PTPRT: variants seen among roughly 807,000 people sequenced by gnomAD.
PTPRT encodes the protein protein tyrosine phosphatase receptor type T, also known as receptor-type tyrosine-protein phosphatase T.
PTPRT carries 56 observed loss-of-function variants against 176.8 expected under a neutral mutation model. The ratio of observed to expected loss-of-function variants is 0.32; its 90% CI spans 0.26 to 0.40. PTPRT has a LOEUF of 0.40. PTPRT is among the 10% of genes least tolerant of loss of function. The pLI, the probability that PTPRT is intolerant of heterozygous loss-of-function variation, is 1.00. For missense variants in PTPRT, 1,540 were observed against 1,908.2 expected, an observed-to-expected ratio of 0.81 and a Z score of 3.60; for synonymous variants, 783 against 739.0, an observed-to-expected ratio of 1.06 and a Z score of -0.96.
At chr20:43,116,955 G>A (rs1037674513) in intron 1 of PTPRT, among the ~76,000 whole-genome samples, 4 of 152,146 alleles carry the variant, frequency 2.6e-5, no homozygotes, top group African/African-American at 9.7e-5. Flanking sequence ...TATGTTGTCT[G>A]GGGTCAAGCT....
chr20:42,821,515 T>G (rs1252113685), intron 2 of PTPRT, among the ~76,000 whole-genome samples: 1 of 151,996 alleles, frequency 6.6e-6, no homozygotes, highest in African/African-American at 2.4e-5. Context: ...CAAGGATGCC[T>G]CCTCTCACCA....
intron 1 of PTPRT, among the ~76,000 whole-genome samples, chr20:43,020,035 A>G (rs1985586337): frequency 6.6e-6 from 1 of 151,094 alleles, no homozygotes; most frequent in South Asian, 2.1e-4. Context: ...GAGTGAGTGA[A>G]TTCCCCTAAC....
chr20:42,123,249 C>G (rs1175893502), intron 19 of PTPRT, among the ~76,000 whole-genome samples: 2 of 152,200 alleles, frequency 1.3e-5, no homozygotes, highest in Non-Finnish European at 2.9e-5. Flanking sequence ...ACATTTTGAG[C>G]AAGAGATTCA....
intron 1 of PTPRT, among the ~76,000 whole-genome samples, chr20:43,026,695 T>C (rs1985927081): frequency 6.6e-6 from 1 of 152,184 alleles, no homozygotes; most frequent in Non-Finnish European, 1.5e-5. Flanking sequence ...ATTCATTCTA[T>C]TTTTTGTGCC....
chr20:42,040,831 A>G, the PTPRT span, among the ~76,000 whole-genome samples: 1 of 152,180 alleles, frequency 6.6e-6, no homozygotes, highest in African/African-American at 2.4e-5. Flanking sequence ...GAAACACATC[A>G]TGTGCCTTCA....
chr20:42,104,360 G>A (rs142819508), intron 25 of PTPRT, among the ~76,000 whole-genome samples: 211 of 152,222 alleles, frequency 1.4e-3, no homozygotes, highest in African/African-American at 4.9e-3. Context: ...TTTCCACCAC[G>A]TGAATATGCA....
chr20:42,430,923 C>G (rs536327202), intron 9 of PTPRT, among the ~76,000 whole-genome samples: 38 of 152,292 alleles, frequency 2.5e-4, no homozygotes, highest in Admixed American at 1.1e-3. Context: ...TTAAAACACA[C>G]ACTCACACAG....
At chr20:42,350,219 T>TG (rs2058257043) in intron 11 of PTPRT, among the ~76,000 whole-genome samples, 1 of 47,084 alleles carries the variant, frequency 2.1e-5, no homozygotes, top group African/African-American at 8.6e-5. Flanking sequence ...TTCTTGTTTT[T>TG]TTTTTTTTTT....
At chr20:42,166,096 A>G (rs896546439) in intron 16 of PTPRT, among the ~76,000 whole-genome samples, 2 of 152,268 alleles carry the variant, frequency 1.3e-5, no homozygotes, top group African/African-American at 4.8e-5. Context: ...CAGACTGGCC[A>G]TATTTCCAGG....
At chr20:42,731,158 C>G (rs1466438835) in intron 6 of PTPRT, among the ~76,000 whole-genome samples, 1 of 152,196 alleles carries the variant, frequency 6.6e-6, no homozygotes, top group Non-Finnish European at 1.5e-5. Flanking sequence ...AACACAGCCT[C>G]CCCTTGTGCA....
rs1600449870 is a variant in PTPRT at position 42,076,731 on chromosome 20, C to A, written c.*4148G>T. On this transcript the variant is annotated 3_prime_UTR_variant, in exon 31 of 31. Transcript: ENST00000373187. ...GAACAGAACAACATGAGGAACAGAG[C>A]ACATTTTTTTTTGAAATATTCATAG... 5.0e-6 allele frequency: 1 copy of A among 199,504 alleles called. No individual in the cohort carries two copies. Among genetic ancestry groups the A allele is most frequent in the East Asian group, 7.6e-5 (1 of 13,122 alleles). The allele number at this position is 199,504 out of a possible 1,614,324, so 12.4% of individuals were successfully genotyped here.
chr20:42,350,548 G>T, intron 11 of PTPRT, 80 bp downstream of exon 11: 2 of 1,172,300 alleles, frequency 1.7e-6, no homozygotes, highest in South Asian at 1.3e-5. Context: ...CATGGGCATT[G>T]CCAGTCACAT....
intron 9 of PTPRT, among the ~76,000 whole-genome samples, chr20:42,381,473 G>A (rs1393864217): frequency 2.0e-5 from 3 of 152,242 alleles, no homozygotes; most frequent in East Asian, 1.9e-4. Context: ...CATGATGGAC[G>A]TGTCATACAG....
intron 1 of PTPRT, among the ~76,000 whole-genome samples, chr20:43,009,732 T>G (rs1985028209): frequency 6.6e-6 from 1 of 152,192 alleles, no homozygotes; most frequent in African/African-American, 2.4e-5. Context: ...CAGTCCACAC[T>G]TGACTTCTTC....
At chr20:42,418,527 A>T (rs2059087035) in intron 9 of PTPRT, among the ~76,000 whole-genome samples, 1 of 152,238 alleles carries the variant, frequency 6.6e-6, no homozygotes, top group South Asian at 2.1e-4. Flanking sequence ...ATGGAAAAAA[A>T]TTTAATCTAG....
chr20:42,099,542 T>TGGGTGGGGGG (rs1325217305), intron 26 of PTPRT, among the ~76,000 whole-genome samples: 3 of 8,714 alleles, frequency 3.4e-4, no homozygotes, highest in Middle Eastern at 0.062. Context: ...GAAAATGGCC[T>TGGGTGGGGGG]GGGCGGGGGG....
At chr20:42,202,287 C>T (rs923288362) in intron 15 of PTPRT, among the ~76,000 whole-genome samples, 8 of 152,086 alleles carry the variant, frequency 5.3e-5, no homozygotes, top group South Asian at 2.1e-4. Flanking sequence ...TTTCTTTATA[C>T]GTCTCGTTTT....
intron 2 of PTPRT, among the ~76,000 whole-genome samples, chr20:42,839,202 C>G (rs780183690): frequency 6.6e-6 from 1 of 152,036 alleles, no homozygotes; most frequent in Non-Finnish European, 1.5e-5. Flanking sequence ...ATCAGCCTTT[C>G]CCACCTTGGG....
chr20:42,754,271 C>T (rs2076800084), intron 6 of PTPRT, among the ~76,000 whole-genome samples: 1 of 152,184 alleles, frequency 6.6e-6, no homozygotes, highest in African/African-American at 2.4e-5. Context: ...CCACAACCTC[C>T]GTCTCCTGGG....
Sources: gnomAD v4.1 joint callset for allele counts (sites outside exome capture counted in the v4.1 genomes callset) on GRCh38, gnomAD v4.1.1 for gene constraint, MANE v1.5 for transcripts, NCBI Gene and HGNC (gene_info 2026-07-23, HGNC 2026-07-21) for gene names.